The following EXOC6B variants were observed in gnomAD, a reference collection of about 807,000 sequenced individuals.
EXOC6B encodes SEC15 homolog B.
EXOC6B carries 54 observed loss-of-function variants against 113.5 expected under a neutral mutation model. The observed-to-expected ratio is 0.48, with a 90% CI of 0.38 to 0.60. EXOC6B has a LOEUF of 0.60. Ranked by LOEUF, EXOC6B falls within the 20% of genes least tolerant of loss-of-function variation. The pLI, the probability that EXOC6B is intolerant of heterozygous loss-of-function variation, is 0.00. For synonymous variants in EXOC6B, 357 were observed against 339.0 expected (o/e 1.05, Z -0.58); for missense variants, 797 against 977.5 (o/e 0.82, Z 2.46).
intron 17 of EXOC6B, among the ~76,000 whole-genome samples, chr2:72,472,466 C>G (rs950444549): frequency 2.0e-5 from 3 of 152,122 alleles, no homozygotes; most frequent in African/African-American, 7.2e-5. Context: ...TCATCCATTT[C>G]CTACAGATTT....
intron 8 of EXOC6B, among the ~76,000 whole-genome samples, chr2:72,532,556 TC>T (rs1009215234): frequency 5.9e-5 from 9 of 152,132 alleles, no homozygotes; most frequent in Admixed American, 2.0e-4. Flanking sequence ...ACACCTGTAA[TC>T]CCAGCACTTT....
rs57963004 is a variant in EXOC6B, at chr2:72,742,289, TC to T, written c.114-821del. 4.2e-3 allele frequency among the ~76,000 whole-genome samples: 635 copies of T among 152,334 alleles called. 7 individuals carry two copies. The highest frequency in any genetic ancestry group is 0.014 in the African/African-American group (597 of 41,574). On this transcript the variant is annotated intron_variant, in intron 1 of 21. Coordinates refer to ENST00000272427, the MANE Select transcript of EXOC6B (RefSeq NM_015189.3). Reference sequence around the variant, plus strand: ...TATTTCTCCCTCTTTACTAGATGATTCTCATGTGTATATAAACATAACTTTT... The same window carrying T: ...TATTTCTCCCTCTTTACTAGATGATTTCATGTGTATATAAACATAACTTTT...
intron 18 of EXOC6B, among the ~76,000 whole-genome samples, chr2:72,454,834 A>G (rs143012404): frequency 1.2e-3 from 179 of 152,290 alleles, no homozygotes; most frequent in African/African-American, 3.8e-3. Context: ...TCAACACACA[A>G]AGATATTTCT....
chr2:72,274,887 G>A (rs1684719205), intron 20 of EXOC6B, among the ~76,000 whole-genome samples: 1 of 151,920 alleles, frequency 6.6e-6, no homozygotes, highest in Non-Finnish European at 1.5e-5. Context: ...AAATTTTTTT[G>A]CTTTTATAAA....
chr2:72,513,360 T>C (rs1415868576), intron 10 of EXOC6B, 108 bp from the exon 11 acceptor site: 13 of 1,393,450 alleles, frequency 9.3e-6, no homozygotes, highest in Non-Finnish European at 1.3e-5. Context: ...AAGTTAGTGG[T>C]CATTTTTTTC....
chr2:72,281,454 T>C (rs1558518158), intron 20 of EXOC6B, among the ~76,000 whole-genome samples: 1 of 152,138 alleles, frequency 6.6e-6, no homozygotes, highest in Admixed American at 6.5e-5. Context: ...CACCACACAA[T>C]TGAAATATTT....
chr2:72,731,747 T>A (rs899371000), intron 3 of EXOC6B, among the ~76,000 whole-genome samples: 1 of 152,224 alleles, frequency 6.6e-6, no homozygotes, highest in Non-Finnish European at 1.5e-5. Context: ...ACTTGCAGCA[T>A]TCATCCTATA....
intron 18 of EXOC6B, among the ~76,000 whole-genome samples, chr2:72,385,905 G>A (rs893765679): frequency 6.6e-6 from 1 of 152,124 alleles, no homozygotes; most frequent in African/African-American, 2.4e-5. Flanking sequence ...TTTGTCAACT[G>A]TTGGTGGAAA....
chr2:72,795,882 A>G (rs781281998), intron 1 of EXOC6B, among the ~76,000 whole-genome samples: 37 of 151,984 alleles, frequency 2.4e-4, no homozygotes, highest in Admixed American at 1.2e-3. Context: ...GCTGGACTGC[A>G]GTGGCACAAT....
chr2:72,643,162 G>C (rs1462923546), intron 6 of EXOC6B, among the ~76,000 whole-genome samples: 4 of 152,056 alleles, frequency 2.6e-5, no homozygotes, highest in East Asian at 1.9e-4. Flanking sequence ...TACACTGTTG[G>C]TGGGACTGTA....
intron 19 of EXOC6B, among the ~76,000 whole-genome samples, chr2:72,369,975 C>T (rs1690898247): frequency 6.6e-6 from 1 of 152,064 alleles, no homozygotes; most frequent in Admixed American, 6.6e-5. Context: ...TCTGAAACAC[C>T]AAAAGCGATG....
intron 16 of EXOC6B, among the ~76,000 whole-genome samples, chr2:72,483,872 A>C (rs1699257827): frequency 1.3e-5 from 2 of 152,234 alleles, no homozygotes; most frequent in African/African-American, 4.8e-5. Context: ...CTCTTACAAT[A>C]TATAACACTG....
intron 6 of EXOC6B, among the ~76,000 whole-genome samples, chr2:72,636,049 A>C (rs1219894664): frequency 6.6e-6 from 1 of 152,078 alleles, no homozygotes; most frequent in East Asian, 1.9e-4. Flanking sequence ...TTAGGCTATA[A>C]GAAACAAAAA....
At chr2:72,759,859 A>T (rs567372136) in intron 1 of EXOC6B, among the ~76,000 whole-genome samples, 1 of 152,294 alleles carries the variant, frequency 6.6e-6, no homozygotes, top group East Asian at 1.9e-4. Context: ...TCAGCCCCCT[A>T]ACTGTGTCCA....
chr2:72,574,487 C>T (rs755694734), intron 7 of EXOC6B, among the ~76,000 whole-genome samples: 4 of 151,940 alleles, frequency 2.6e-5, no homozygotes, highest in Non-Finnish European at 5.9e-5. Flanking sequence ...AAAATTAGGA[C>T]AAGTTTTGGG....
intron 18 of EXOC6B, among the ~76,000 whole-genome samples, chr2:72,399,064 T>A (rs774530068): frequency 7.3e-5 from 11 of 150,816 alleles, no homozygotes; most frequent in Non-Finnish European, 1.2e-4. Flanking sequence ...ACATATCAAC[T>A]ATGTATGAGC....
At chr2:72,321,079 C>CA (rs1292425956) in intron 20 of EXOC6B, among the ~76,000 whole-genome samples, 1 of 152,058 alleles carries the variant, frequency 6.6e-6, no homozygotes, top group Non-Finnish European at 1.5e-5. Context: ...AAAATACTGA[C>CA]AATACTAGCA....
At chr2:72,395,407 C>T (rs1692661194) in intron 18 of EXOC6B, among the ~76,000 whole-genome samples, 3 of 152,246 alleles carry the variant, frequency 2.0e-5, no homozygotes, top group African/African-American at 7.2e-5. Context: ...ACCTCATTAG[C>T]CCTAGTTTCT....
At chr2:72,276,692 A>AT (rs548917396) in intron 20 of EXOC6B, among the ~76,000 whole-genome samples, 1 of 152,118 alleles carries the variant, frequency 6.6e-6, no homozygotes, top group South Asian at 2.1e-4. Flanking sequence ...TGTTTTAATT[A>AT]TTTTTTTCAA....
Sources: allele counts gnomAD v4.1 joint callset (sites outside exome capture counted in the v4.1 genomes callset), GRCh38; gene constraint gnomAD v4.1.1; transcripts MANE v1.5; gene names NCBI Gene and HGNC (gene_info 2026-07-23, HGNC 2026-07-21).